TREH: variants seen among roughly 807,000 people sequenced by gnomAD.
The protein encoded by TREH is alpha,alpha-trehalose glucohydrolase.
Under a neutral mutation model 80.5 loss-of-function variants are expected in TREH, and 69 were observed. The ratio of observed to expected loss-of-function variants is 0.86; its 90% CI spans 0.71 to 1.05. The LOEUF (loss-of-function observed/expected upper bound fraction) is 1.05, where lower values mean the gene tolerates loss of function less well. Among genes scored for constraint, TREH ranks in the 50% least tolerant of loss-of-function variants. The probability of loss-of-function intolerance (pLI) is 0.00; values close to 1 mark genes in which losing one functional copy is unlikely to be tolerated. For synonymous variants in TREH, 309 were observed against 293.5 expected (o/e 1.05, Z -0.54); for missense variants, 716 against 718.8 (o/e 1.00, Z 0.04).
In TREH at chr11:118,668,308, A is replaced by T. The variant is rs547763675; in HGVS notation, c.90-4869T>A. Among the ~76,000 whole-genome samples the T allele has an allele frequency of 2.6e-4, 39 of 152,034 alleles. 1 individual carries two copies. The South Asian group carries it at 7.0e-3, about 27-fold the overall frequency. The stretch of plus-strand genomic sequence containing the variant: ...AAGACACATCAAAAAAAAAAAATAA[A>T]ACTATGGGCCAGTATCACCAATGAA... On this transcript the variant is annotated intron_variant, in intron 1 of 14. Coordinates refer to ENST00000264029, the MANE Select transcript of TREH (RefSeq NM_007180.3).
Position 118,679,561 on chromosome 11 carries a change from C to T in TREH, c.67G>A (p.Ala23Thr), listed in dbSNP as rs1555147230. Residue 23 changes from alanine to threonine, a missense_variant, in exon 1 of 15, where the codon GCC (alanine) becomes ACC (threonine). Ala to Thr is a moderately conservative substitution (Grantham distance 58). Transcript: ENST00000264029. Reference protein sequence around the residue: ...LLGLGLGSQEALPPPCESEIY... With the variant: ...LLGLGLGSQETLPPPCESEIY... ...TACCTCTCACAGGGTGGGGGTAGGG[C>T]CTCCTGGGACCCCAGTCCCAGCCCC... 2.6e-6 allele frequency: 4 copies of T among 1,546,380 alleles called. No individual in the cohort carries two copies. In the South Asian group the frequency reaches 4.9e-5, roughly 19 times the overall value.
chr11:118,663,045 G>C lies in TREH; in HGVS notation c.335+7C>G. 2 of 1,613,338 alleles carry C rather than the reference G, an allele frequency of 1.2e-6. No homozygotes were observed. The highest frequency in any genetic ancestry group is 1.7e-6 in the Non-Finnish European group (2 of 1,179,456). Reference sequence around the variant, plus strand: ...AACCCTCTCTTGTTCCCCTTCCAGAGTCATACCTGTCTTTCCAGTCTGCAG... The same window carrying C: ...AACCCTCTCTTGTTCCCCTTCCAGACTCATACCTGTCTTTCCAGTCTGCAG... On this transcript the variant is annotated splice_region_variant and intron_variant, in intron 3 of 14. Transcript: ENST00000264029.
Position 118,664,625 on chromosome 11 carries a change from A to G in TREH, c.90-1186T>C, listed in dbSNP as rs117745178. On this transcript the variant is annotated intron_variant, in intron 1 of 14. Coordinates refer to ENST00000264029, the MANE Select transcript of TREH (RefSeq NM_007180.3). Reference sequence around the variant, plus strand: ...ACCAAGTTACATTTCTTCAGATCCAAGAACACAACTGACAGCACCTAGTGT... The same window carrying G: ...ACCAAGTTACATTTCTTCAGATCCAGGAACACAACTGACAGCACCTAGTGT... Among the ~76,000 whole-genome samples, 89 of 152,394 alleles carry G rather than the reference A, an allele frequency of 5.8e-4. 1 individual carries two copies. The East Asian group carries it at 0.014, about 24-fold the overall frequency.
Position 118,658,435 on chromosome 11 carries a change from A to T in TREH, c.1606T>A (p.Phe536Ile). The change falls in exon 15 of 15, where the codon TTT becomes ATT. Residue 536 changes from phenylalanine to isoleucine, a missense_variant. Transcript: ENST00000264029. ...GGGEYEVQEGFGWTNGVVLML... is the reference protein window; with the variant it reads ...GGGEYEVQEGIGWTNGVVLML... The stretch of plus-strand genomic sequence containing the variant: ...AGGACCACGCCATTCGTCCAGCCAA[A>T]TCCCTCCTGGGAGAGGCAGGGCAGT... 1.2e-6 allele frequency: 2 copies of T among 1,611,088 alleles called. No homozygotes were observed. Among genetic ancestry groups the T allele is most frequent in the Non-Finnish European group, 1.7e-6 (2 of 1,179,376 alleles).
intron 1 of TREH, among the ~76,000 whole-genome samples, chr11:118,677,946 C>T (rs1555147017): frequency 1.3e-5 from 2 of 152,144 alleles, no homozygotes; most frequent in Non-Finnish European, 2.9e-5. Context: ...GTACACTTTT[C>T]CCCTTTATAT....
At position 118,663,061 on chromosome 11, in the gene TREH, C is replaced by G. The variant is rs782735682; in HGVS notation, c.326G>C (p.Trp109Ser). 1 of 1,613,542 alleles carries G rather than the reference C, an allele frequency of 6.2e-7. No individual in the cohort carries two copies. The highest frequency in any genetic ancestry group is 1.7e-5 in the Admixed American group (1 of 59,968). ...CCTTCCAGAGTCATACCTGTCTTTC[C>G]AGTCTGCAGGGGTCCAGGGCTGCAG... ...QELQPWTPAD[W>S]KDSPQFLQKI... The change falls in exon 3 of 15, where the codon TGG becomes TCG. Residue 109 changes from tryptophan to serine, a missense_variant. By Grantham distance (177) the Trp-to-Ser change is radical (BLOSUM62 -3). Coordinates refer to ENST00000264029, the MANE Select transcript of TREH (RefSeq NM_007180.3).
chr11:118,672,996 C>G (rs1555146473), intron 1 of TREH, among the ~76,000 whole-genome samples: 1 of 152,120 alleles, frequency 6.6e-6, no homozygotes, highest in African/African-American at 2.4e-5. Context: ...CCTTTAACTT[C>G]CAGAAAAGCA....
At position 118,658,148 on chromosome 11, in the gene TREH, C is replaced by A. The variant is rs1949224772; in HGVS notation, c.*141G>T. The A allele has an allele frequency of 1.8e-5, 22 of 1,226,764 alleles. No homozygotes were observed. The highest frequency in any genetic ancestry group is 2.6e-5 in the Admixed American group (1 of 38,456). The allele number at this position is 1,226,764 out of a possible 1,614,324, so 76.0% of individuals were successfully genotyped here. ...AGGGAGCTAGGCCCCTACCCATGAC[C>A]TCCAGGTCGTGACCCTGCCCTCCAC... On this transcript the variant is annotated 3_prime_UTR_variant, in exon 15 of 15. Transcript: ENST00000264029.
At chr11:118,671,022 A>G (rs1949425415) in intron 1 of TREH, among the ~76,000 whole-genome samples, 2 of 152,156 alleles carry the variant, frequency 1.3e-5, no homozygotes, top group African/African-American at 4.8e-5. Flanking sequence ...CACTGTATTT[A>G]TCCAGATTGT....
At chr11:118,665,470 T>A (rs1555145594) in intron 1 of TREH, among the ~76,000 whole-genome samples, 1 of 151,996 alleles carries the variant, frequency 6.6e-6, no homozygotes, top group Non-Finnish European at 1.5e-5. Context: ...AAACCCCGTC[T>A]CTACTAAAAA....
At chr11:118,659,613 G>A in intron 11 of TREH, 132 bp from the exon 12 acceptor site, 2 of 1,346,980 alleles carry the variant, frequency 1.5e-6, no homozygotes, top group Non-Finnish European at 2.0e-6. Context: ...CTGCCCCCCG[G>A]TGGCTCTGGT....
intron 14 of TREH, 67 bp downstream of exon 14, chr11:118,658,613 C>G: frequency 1.3e-6 from 2 of 1,544,300 alleles, no homozygotes; most frequent in Non-Finnish European, 1.8e-6. Context: ...AGGCCTGGGG[C>G]GGGGGTCATG....
In TREH at chr11:118,674,878, A is replaced by C. The variant is rs530379117; in HGVS notation, c.89+4661T>G. Among the ~76,000 whole-genome samples, 4 of 152,166 alleles carry C rather than the reference A, an allele frequency of 2.6e-5. No homozygotes were observed. The highest frequency in any genetic ancestry group is 2.6e-4 in the Admixed American group (4 of 15,272). ...TTCTCTCAATCTCATTGCAGTGCCC[A>C]TCAGGACTTCAGCAGGTGTTTTTGG... is the stretch of plus-strand genomic sequence containing the variant. On this transcript the variant is annotated intron_variant, in intron 1 of 14. Transcript: ENST00000264029. The surrounding 1 kb of genome is among the most constrained non-coding windows in gnomAD (Gnocchi z 4.4).
chr11:118,662,199 TCC>T (rs1949331431), intron 4 of TREH, among the ~76,000 whole-genome samples: 1 of 140,414 alleles, frequency 7.1e-6, no homozygotes, highest in Non-Finnish European at 1.5e-5. Context: ...GCCTTGGGAG[TCC>T]CAGCTCAACT....
Position 118,658,144 on chromosome 11 carries a change from T to G in TREH, c.*145A>C. 1 of 1,161,034 alleles carries G rather than the reference T, an allele frequency of 8.6e-7. No individual in the cohort carries two copies. The highest frequency in any genetic ancestry group is 2.6e-5 in the East Asian group (1 of 38,780). 71.9% of individuals were successfully genotyped at this position (1,161,034 alleles called of 1,614,324 possible). A position where few individuals can be genotyped will look rare whatever the true frequency, so the allele number is the denominator to read the frequency against. On this transcript the variant is annotated 3_prime_UTR_variant, in exon 15 of 15. Coordinates refer to ENST00000264029, the MANE Select transcript of TREH (RefSeq NM_007180.3). The stretch of plus-strand genomic sequence containing the variant: ...CAGGAGGGAGCTAGGCCCCTACCCA[T>G]GACCTCCAGGTCGTGACCCTGCCCT...
chr11:118,664,907 G>A (rs1417868725), intron 1 of TREH, among the ~76,000 whole-genome samples: 3 of 151,942 alleles, frequency 2.0e-5, no homozygotes, highest in East Asian at 1.9e-4. Flanking sequence ...TCAGGAGTTC[G>A]AGACCAACCT....
At position 118,659,359 on chromosome 11, in the gene TREH, T is replaced by C. The variant is rs112337443; in HGVS notation, c.1432+11A>G. On this transcript the variant is annotated intron_variant, in intron 12 of 14. Coordinates refer to ENST00000264029, the MANE Select transcript of TREH (RefSeq NM_007180.3). ...GAAGGGTCCTTGGCTGTGTCAGCCC[T>C]GCCTCCCTACCTCTGATGACCAGGT... 0.032 allele frequency: 49,402 copies of C among 1,542,420 alleles called. 1,010 individuals are homozygous for C. The highest frequency in any genetic ancestry group is 0.035 in the Non-Finnish European group (40,297 of 1,142,028).
At chr11:118,677,490 C>G (rs1406771053) in intron 1 of TREH, among the ~76,000 whole-genome samples, 2 of 152,200 alleles carry the variant, frequency 1.3e-5, no homozygotes, top group African/African-American at 4.8e-5. Context: ...CTTTGGGAGG[C>G]TGAGGCAGGC....
At chr11:118,678,206 C>T (rs1320064269) in intron 1 of TREH, among the ~76,000 whole-genome samples, 1 of 152,146 alleles carries the variant, frequency 6.6e-6, no homozygotes, top group African/African-American at 2.4e-5. Context: ...CAGATCAGCT[C>T]AGCAATGGTT....
Sources: allele counts gnomAD v4.1 joint callset (sites outside exome capture counted in the v4.1 genomes callset), GRCh38; gene constraint gnomAD v4.1.1; non-coding constraint Gnocchi (gnomAD v3.1); transcripts MANE v1.5; gene names NCBI Gene and HGNC (gene_info 2026-07-23, HGNC 2026-07-21).